Variants in IL1RAPL2 observed in about 807,000 individuals in gnomAD.
IL1RAPL2 encodes the protein interleukin 1 receptor accessory protein like 2, also known as X-linked interleukin-1 receptor accessory protein-like 2.
IL1RAPL2 carries 3 observed loss-of-function variants against 44.1 expected under a neutral mutation model. That is an observed-to-expected ratio of 0.07 (90% CI 0.03 to 0.18). The LOEUF (loss-of-function observed/expected upper bound fraction) is 0.18, where lower values mean the gene tolerates loss of function less well. IL1RAPL2 is among the 10% of genes least tolerant of loss of function. The pLI is 1.00. For synonymous variants in IL1RAPL2, 181 were observed against 178.8 expected, an observed-to-expected ratio of 1.01 and a Z score of -0.10; for missense variants, 391 against 496.4, an observed-to-expected ratio of 0.79 and a Z score of 2.02.
chrX:104,795,030 C>A (rs1047992718), intron 2 of IL1RAPL2, among the ~76,000 whole-genome samples: 1 of 111,506 alleles, frequency 9.0e-6, no homozygotes, highest in African/African-American at 3.3e-5. Flanking sequence ...AAAAACATGG[C>A]CTTTATTTTC....
intron 6 of IL1RAPL2, among the ~76,000 whole-genome samples, chrX:105,602,699 G>T (rs1474860359): frequency 3.7e-5 from 4 of 108,841 alleles, no homozygotes; most frequent in Non-Finnish European, 5.7e-5. Context: ...AAAGTGTCAA[G>T]TCATATATAA....
chrX:105,281,432 ATACT>A (rs921464277), intron 5 of IL1RAPL2, among the ~76,000 whole-genome samples: 2 of 112,512 alleles, frequency 1.8e-5, no homozygotes, highest in African/African-American at 6.5e-5. Context: ...TCATAAAAAA[ATACT>A]TAGTATGATG....
At chrX:105,033,454 A>G (rs1351550859) in intron 2 of IL1RAPL2, among the ~76,000 whole-genome samples, 2 of 111,178 alleles carry the variant, frequency 1.8e-5, no homozygotes, top group African/African-American at 6.6e-5. Flanking sequence ...GCTTCTCTGT[A>G]AAGTATTTTA....
intron 2 of IL1RAPL2, among the ~76,000 whole-genome samples, chrX:104,944,051 A>G (rs910486799): frequency 9.0e-6 from 1 of 111,652 alleles, no homozygotes; most frequent in Non-Finnish European, 1.9e-5. Context: ...AACGAAACAC[A>G]TCCTTTTATA....
At chrX:104,898,019 G>A (rs766580600) in intron 2 of IL1RAPL2, among the ~76,000 whole-genome samples, 3 of 112,200 alleles carry the variant, frequency 2.7e-5, no homozygotes, top group East Asian at 2.8e-4. Flanking sequence ...CTGATCTTAA[G>A]TGTTGAATAT....
At chrX:105,763,646 A>G (rs1299473810) in intron 10 of IL1RAPL2, among the ~76,000 whole-genome samples, 1 of 110,327 alleles carries the variant, frequency 9.1e-6, no homozygotes, top group East Asian at 2.9e-4. Context: ...ACAGAGGTAG[A>G]GAGGGGGAAA....
chrX:105,027,097 G>A (rs938734939), intron 2 of IL1RAPL2, among the ~76,000 whole-genome samples: 5 of 111,523 alleles, frequency 4.5e-5, no homozygotes, highest in Admixed American at 2.9e-4. Flanking sequence ...TCAACAAATG[G>A]TGCTGGGAAG....
At chrX:105,012,674 C>CACACACACACACACACAG (rs1258556672) in intron 2 of IL1RAPL2, among the ~76,000 whole-genome samples, 2 of 81,272 alleles carry the variant, frequency 2.5e-5, no homozygotes, top group African/African-American at 1.2e-4. Flanking sequence ...CACACACACA[C>CACACACACACACACACAG]AGAGAGAGAG....
At chrX:104,861,864 T>TA (rs1922504114) in intron 2 of IL1RAPL2, among the ~76,000 whole-genome samples, 1 of 111,975 alleles carries the variant, frequency 8.9e-6, no homozygotes, top group African/African-American at 3.2e-5. Context: ...AAATATTTTT[T>TA]ATCTGAGGTT....
intron 5 of IL1RAPL2, among the ~76,000 whole-genome samples, chrX:105,449,412 G>A (rs750880788): frequency 9.0e-6 from 1 of 110,797 alleles, no homozygotes; most frequent in South Asian, 3.8e-4. Context: ...GTGAAACCCC[G>A]CCTCTACTAA....
intron 5 of IL1RAPL2, among the ~76,000 whole-genome samples, chrX:105,442,611 C>T (rs1188907179): frequency 1.1e-5 from 1 of 92,294 alleles, no homozygotes; most frequent in African/African-American, 8.6e-5. Flanking sequence ...ATATTTTATA[C>T]TTCTGACAGA....
chrX:104,599,674 A>ACG (rs1479687640), intron 1 of IL1RAPL2, among the ~76,000 whole-genome samples: 1 of 109,074 alleles, frequency 9.2e-6, no homozygotes, highest in Non-Finnish European at 1.9e-5. Flanking sequence ...ACACACACAC[A>ACG]CACACACACA....
chrX:105,079,301 T>C (rs147881988), intron 2 of IL1RAPL2, among the ~76,000 whole-genome samples: 9,076 of 110,114 alleles, frequency 0.082, 978 homozygotes, highest in African/African-American at 0.29. Context: ...CCATTTGACC[T>C]AGCAATCCTA....
At position 105,517,676 on chromosome X, in the gene IL1RAPL2, A is replaced by G. The variant is rs771133435; in HGVS notation, c.772+33289A>G. The stretch of plus-strand genomic sequence containing the variant: ...GTCATTCAAAAAAAACAAAAACAAA[A>G]ACAAACAAACCTGGAAGTGACTGCT... On this transcript the variant is annotated intron_variant, in intron 6 of 10. Transcript: ENST00000372582. 8.1e-5 allele frequency among the ~76,000 whole-genome samples: 9 copies of G among 111,226 alleles called. No individual in the cohort carries two copies. The East Asian group carries it at 8.6e-4, about 11-fold the overall frequency.
rs148478867 is a variant in IL1RAPL2 at position 105,225,086 on chromosome X, C to G, written c.357-8732C>G. Among the ~76,000 whole-genome samples the G allele has an allele frequency of 4.3e-4, 48 of 111,810 alleles. No homozygotes were observed. In the East Asian group the frequency reaches 0.014, roughly 32 times the overall value. ...TGGTAGTCAGATTTTGAACAAGCTG[C>G]CTGTACCCTTAGGTGGCATATTGCA... On this transcript the variant is annotated intron_variant, in intron 3 of 10. Transcript: ENST00000372582.
chrX:105,456,223 A>G (rs1185747090), intron 5 of IL1RAPL2, among the ~76,000 whole-genome samples: 1 of 112,029 alleles, frequency 8.9e-6, no homozygotes, highest in East Asian at 2.8e-4. Flanking sequence ...CCTTTGGGCT[A>G]AGGCTATGAG....
intron 6 of IL1RAPL2, among the ~76,000 whole-genome samples, chrX:105,490,226 T>C (rs1252522611): frequency 9.0e-6 from 1 of 111,662 alleles, no homozygotes; most frequent in Non-Finnish European, 1.9e-5. Flanking sequence ...TCTGTGTGAA[T>C]CAAAAAGGAG....
intron 2 of IL1RAPL2, among the ~76,000 whole-genome samples, chrX:104,687,859 C>T (rs759132617): frequency 8.9e-6 from 1 of 111,744 alleles, no homozygotes; most frequent in African/African-American, 3.2e-5. Flanking sequence ...TCACCTCATA[C>T]TCATTTTCCT....
chrX:105,088,615 T>C (rs967677106), intron 2 of IL1RAPL2, among the ~76,000 whole-genome samples: 1 of 110,978 alleles, frequency 9.0e-6, no homozygotes, highest in Non-Finnish European at 1.9e-5. Flanking sequence ...TGCTTTGGTT[T>C]TTTTCTATTA....
Sources: allele counts gnomAD v4.1 joint callset (sites outside exome capture counted in the v4.1 genomes callset), GRCh38; gene constraint gnomAD v4.1.1; transcripts MANE v1.5; gene names NCBI Gene and HGNC (gene_info 2026-07-23, HGNC 2026-07-21).